TCF4: variants seen among roughly 807,000 people sequenced by gnomAD.
TCF4 encodes SL3-3 enhancer factor 2.
In TCF4, 3 loss-of-function variants were observed where a neutral mutation model predicts 82.1. That is an observed-to-expected ratio of 0.04 (90% CI 0.02 to 0.09). The LOEUF (loss-of-function observed/expected upper bound fraction) is 0.09. Among genes scored for constraint, TCF4 ranks in the 10% least tolerant of loss-of-function variants. TCF4 has a pLI of 1.00. For synonymous variants in TCF4, 276 were observed against 309.6 expected, an observed-to-expected ratio of 0.89 and a Z score of 1.14; for missense variants, 518 against 852.7, an observed-to-expected ratio of 0.61 and a Z score of 4.89.
intron 3 of TCF4, among the ~76,000 whole-genome samples, chr18:55,502,023 AATTGT>A (rs1286743143): frequency 2.6e-5 from 4 of 152,218 alleles, no homozygotes; most frequent in Non-Finnish European, 5.9e-5. Flanking sequence ...GTTCTAAATT[AATTGT>A]TTCTCTCAGC....
chr18:55,322,181 G>C, intron 8 of TCF4: 1 of 1,059,454 alleles, frequency 9.4e-7, no homozygotes. Context: ...ACTGCCTTAG[G>C]GTAAAAGTGG....
At chr18:55,611,861 C>T (rs369105045) in intron 2 of TCF4, among the ~76,000 whole-genome samples, 44 of 152,214 alleles carry the variant, frequency 2.9e-4, no homozygotes, top group South Asian at 8.3e-4. Context: ...CTCTGCCTCT[C>T]GAATTCAAGC....
At chr18:55,325,608 T>A (rs2147619505) in intron 8 of TCF4, among the ~76,000 whole-genome samples, 1 of 152,362 alleles carries the variant, frequency 6.6e-6, no homozygotes, top group Middle Eastern at 3.4e-3. Context: ...GAATTCCCAT[T>A]TTTCTCCTCC....
intron 8 of TCF4, among the ~76,000 whole-genome samples, chr18:55,340,748 C>T (rs2079766764): frequency 6.6e-6 from 1 of 152,010 alleles, no homozygotes; most frequent in Admixed American, 6.6e-5. Flanking sequence ...TCTCAAATGC[C>T]AAATGAAAGG....
intron 6 of TCF4, among the ~76,000 whole-genome samples, chr18:55,355,757 G>T (rs1322582210): frequency 6.6e-6 from 1 of 151,984 alleles, no homozygotes; most frequent in Non-Finnish European, 1.5e-5. Context: ...TGCAAATCAG[G>T]GACTTAAAAA....
chr18:55,350,291 T>C (rs1459323165), intron 8 of TCF4, 68 bp downstream of exon 8: 2 of 1,514,140 alleles, frequency 1.3e-6, no homozygotes, highest in African/African-American at 1.4e-5. Flanking sequence ...TTTACTTCTA[T>C]CTCCTTCCCA....
At chr18:55,373,735 A>T (rs1443755448) in intron 6 of TCF4, among the ~76,000 whole-genome samples, 1 of 151,910 alleles carries the variant, frequency 6.6e-6, no homozygotes, top group African/African-American at 2.4e-5. Flanking sequence ...ATTGCTTGAA[A>T]CCGGGAGCCG....
intron 5 of TCF4, among the ~76,000 whole-genome samples, chr18:55,434,722 C>T (rs1434160729): frequency 2.0e-5 from 3 of 149,778 alleles, no homozygotes; most frequent in African/African-American, 7.4e-5. Flanking sequence ...CCACCGTGCC[C>T]GGCCAGGAAT....
intron 5 of TCF4, among the ~76,000 whole-genome samples, chr18:55,413,189 CAT>C (rs2094416221): frequency 6.6e-6 from 1 of 152,082 alleles, no homozygotes; most frequent in Admixed American, 6.5e-5. Context: ...CATAAACACA[CAT>C]ATATAAGTGA....
At chr18:55,582,195 T>C (rs780533256) in intron 3 of TCF4, among the ~76,000 whole-genome samples, 1 of 152,132 alleles carries the variant, frequency 6.6e-6, no homozygotes, top group Non-Finnish European at 1.5e-5. Context: ...TTTAGATGAT[T>C]TTCTTTTTTT....
chr18:55,607,098 T>C (rs2097702853), intron 2 of TCF4, among the ~76,000 whole-genome samples: 1 of 152,148 alleles, frequency 6.6e-6, no homozygotes, highest in South Asian at 2.1e-4. Flanking sequence ...CATCTCTTCA[T>C]TGTTGGGGGA....
intron 5 of TCF4, among the ~76,000 whole-genome samples, chr18:55,453,595 C>T (rs370547849): frequency 6.6e-6 from 1 of 151,968 alleles, no homozygotes; most frequent in East Asian, 1.9e-4. Flanking sequence ...AAATGTTATA[C>T]GACTTGGATT....
intron 3 of TCF4, among the ~76,000 whole-genome samples, chr18:55,555,370 A>G (rs1354936799): frequency 6.6e-6 from 1 of 152,226 alleles, no homozygotes; most frequent in African/African-American, 2.4e-5. Flanking sequence ...GAAGTTTTCA[A>G]ATTAATTTGG....
chr18:55,518,690 CG>C (rs1324265392), intron 3 of TCF4, among the ~76,000 whole-genome samples: 5 of 151,952 alleles, frequency 3.3e-5, no homozygotes. Flanking sequence ...TGAATATATA[CG>C]AAGGGACACA....
intron 15 of TCF4, among the ~76,000 whole-genome samples, chr18:55,238,317 T>C (rs1220413534): frequency 6.6e-6 from 1 of 152,248 alleles, no homozygotes; most frequent in Non-Finnish European, 1.5e-5. Context: ...TAGTGATATC[T>C]ATGCTAAAAA....
At chr18:55,598,258 A>C (rs2097693237) in intron 2 of TCF4, among the ~76,000 whole-genome samples, 1 of 152,236 alleles carries the variant, frequency 6.6e-6, no homozygotes, top group Admixed American at 6.5e-5. Context: ...CCTGGGCTGA[A>C]GCATTAACTC....
chr18:55,292,785 T>C (rs1371378579), intron 8 of TCF4, among the ~76,000 whole-genome samples: 4 of 152,028 alleles, frequency 2.6e-5, no homozygotes, highest in Admixed American at 1.3e-4. Context: ...CATGTACATA[T>C]ATGTATATAC....
At chr18:55,282,372 T>C (rs1373619386) in intron 8 of TCF4, among the ~76,000 whole-genome samples, 2 of 152,044 alleles carry the variant, frequency 1.3e-5, no homozygotes, top group Non-Finnish European at 2.9e-5. Flanking sequence ...ATGGTATTTA[T>C]GAAAACACCA....
rs374498434 is a variant in TCF4 at position 55,506,384 on chromosome 18, A to T, written c.146-42247T>A. Among the ~76,000 whole-genome samples, 56 of 152,330 alleles carry T rather than the reference A, an allele frequency of 3.7e-4. 1 individual carries two copies. The South Asian group carries it at 9.3e-3, about 25-fold the overall frequency. On this transcript the variant is annotated intron_variant, in intron 3 of 19. Coordinates refer to ENST00000354452, the MANE Select transcript of TCF4 (RefSeq NM_001083962.2). ...CTGCTACTTCCCAGTTCCCAAGTCAAGTCAGGCTTTTGATAATATATTTTA... is the reference window on the plus strand; with the variant it reads ...CTGCTACTTCCCAGTTCCCAAGTCATGTCAGGCTTTTGATAATATATTTTA...
Sources: gnomAD v4.1 joint callset for allele counts (sites outside exome capture counted in the v4.1 genomes callset) on GRCh38, gnomAD v4.1.1 for gene constraint, MANE v1.5 for transcripts, NCBI Gene and HGNC (gene_info 2026-07-23, HGNC 2026-07-21) for gene names.